SNTB1: variants seen among roughly 807,000 people sequenced by gnomAD.
The protein encoded by SNTB1 is syntrophin beta 1.
In SNTB1, 36 loss-of-function variants were observed where a neutral mutation model predicts 48.9. The observed-to-expected ratio is 0.74, with a 90% CI of 0.56 to 0.97. The LOEUF (loss-of-function observed/expected upper bound fraction) is 0.97, where lower values mean the gene tolerates loss of function less well. Among genes scored for constraint, SNTB1 ranks in the 50% least tolerant of loss-of-function variants. The pLI is 0.00. For missense variants in SNTB1, 786 were observed against 703.4 expected (o/e 1.12, Z -1.33); for synonymous variants, 299 against 294.6 (o/e 1.01, Z -0.15).
intron 1 of SNTB1, among the ~76,000 whole-genome samples, chr8:120,708,410 C>T (rs913390066): frequency 6.6e-6 from 1 of 152,176 alleles, no homozygotes; most frequent in East Asian, 1.9e-4. Context: ...CTTAATCAAA[C>T]TATTCCAGAG....
intron 4 of SNTB1, among the ~76,000 whole-genome samples, chr8:120,561,485 C>T (rs1815659275): frequency 6.6e-6 from 1 of 152,074 alleles, no homozygotes; most frequent in South Asian, 2.1e-4. Context: ...TCATGACAGT[C>T]CAACATCTTG....
At chr8:120,601,917 G>A (rs560485379) in intron 3 of SNTB1, among the ~76,000 whole-genome samples, 2 of 152,308 alleles carry the variant, frequency 1.3e-5, no homozygotes, top group East Asian at 3.9e-4. Flanking sequence ...GGTAATAAAG[G>A]TGAGAGCCAC....
chr8:120,686,962 G>T (rs532547950), intron 2 of SNTB1, among the ~76,000 whole-genome samples: 1 of 152,172 alleles, frequency 6.6e-6, no homozygotes, highest in South Asian at 2.1e-4. Context: ...CATATTTTGT[G>T]GGCTTCTTAA....
intron 3 of SNTB1, among the ~76,000 whole-genome samples, chr8:120,597,963 AAG>A (rs1481073184): frequency 2.0e-5 from 3 of 152,244 alleles, no homozygotes; most frequent in South Asian, 2.1e-4. Context: ...ATGTGAAATT[AAG>A]AGTTTCTTGG....
At chr8:120,599,882 A>G (rs1013899679) in intron 3 of SNTB1, among the ~76,000 whole-genome samples, 3 of 152,220 alleles carry the variant, frequency 2.0e-5, no homozygotes, top group Non-Finnish European at 4.4e-5. Context: ...GGATAGGTAC[A>G]GTTTGTTAAA....
chr8:120,801,159 C>T (rs1820219357), intron 1 of SNTB1, among the ~76,000 whole-genome samples: 2 of 151,840 alleles, frequency 1.3e-5, no homozygotes, highest in Non-Finnish European at 2.9e-5. Flanking sequence ...ATATTACAAG[C>T]AAGCAAGAAA....
At chr8:120,732,061 A>G (rs1818862083) in intron 1 of SNTB1, among the ~76,000 whole-genome samples, 1 of 152,210 alleles carries the variant, frequency 6.6e-6, no homozygotes, top group Admixed American at 6.5e-5. Flanking sequence ...CCATGAGGGT[A>G]TGAAAATTAA....
intron 4 of SNTB1, among the ~76,000 whole-genome samples, chr8:120,572,924 A>G (rs1815882731): frequency 6.6e-6 from 1 of 152,182 alleles, no homozygotes; most frequent in South Asian, 2.1e-4. Context: ...TCAAAAATAA[A>G]TAATTAAAAA....
At chr8:120,598,752 C>G (rs1376039281) in intron 3 of SNTB1, among the ~76,000 whole-genome samples, 2 of 152,184 alleles carry the variant, frequency 1.3e-5, no homozygotes, top group East Asian at 1.9e-4. Flanking sequence ...GGCTGCCCTC[C>G]CTCCTGATCC....
At chr8:120,692,280 C>T (rs1272923500) in intron 2 of SNTB1, among the ~76,000 whole-genome samples, 1 of 152,146 alleles carries the variant, frequency 6.6e-6, no homozygotes, top group East Asian at 1.9e-4. Context: ...AACTTTCTCC[C>T]TGCCCCTATT....
At chr8:120,574,056 C>T (rs558228162) in intron 4 of SNTB1, among the ~76,000 whole-genome samples, 4 of 152,136 alleles carry the variant, frequency 2.6e-5, no homozygotes, top group Non-Finnish European at 5.9e-5. Flanking sequence ...GAAATTCTCC[C>T]ATATTTGACA....
chr8:120,608,532 C>T (rs767847544), intron 3 of SNTB1, among the ~76,000 whole-genome samples: 3 of 152,142 alleles, frequency 2.0e-5, no homozygotes, highest in Non-Finnish European at 2.9e-5. Flanking sequence ...CATCTACAAG[C>T]CAGGGGGAGA....
In SNTB1 at chr8:120,789,335, G is replaced by GA. The variant is rs374687056; in HGVS notation, c.571+21937dup. ...TCTAATGTCATGCCTCAAGGAAGTA[G>GA]AAAAAAAAAGAACACACCAAACCCA... On this transcript the variant is annotated intron_variant, in intron 1 of 6. Transcript: ENST00000517992. 2.5e-3 allele frequency among the ~76,000 whole-genome samples: 361 copies of GA among 145,990 alleles called. 1 individual carries two copies. The highest frequency in any genetic ancestry group is 8.5e-3 in the African/African-American group (340 of 39,778).
intron 3 of SNTB1, among the ~76,000 whole-genome samples, chr8:120,609,630 T>C (rs1336315513): frequency 6.6e-6 from 1 of 152,032 alleles, no homozygotes; most frequent in East Asian, 1.9e-4. Flanking sequence ...AAAAAACAAA[T>C]GGAAAATAGT....
chr8:120,679,248 A>G (rs59425705), intron 2 of SNTB1, among the ~76,000 whole-genome samples: 23,067 of 152,156 alleles, frequency 0.15, 3,271 homozygotes, highest in African/African-American at 0.37. Context: ...ATTTCTATAT[A>G]CCATTCTAAA....
At position 120,566,286 on chromosome 8, in the gene SNTB1, G is replaced by A. The variant is rs545423278; in HGVS notation, c.1136+8800C>T. On this transcript the variant is annotated intron_variant, in intron 4 of 6. Transcript: ENST00000517992. Reference sequence around the variant, plus strand: ...GGAGGATGCAGTGAGCTGAGATTGCGCCATTGCACTCTAGCCTGGGCGACA... The same window carrying A: ...GGAGGATGCAGTGAGCTGAGATTGCACCATTGCACTCTAGCCTGGGCGACA... 9.1e-5 allele frequency among the ~76,000 whole-genome samples: 12 copies of A among 131,788 alleles called. No individual in the cohort carries two copies. In the East Asian group the frequency reaches 2.3e-3, roughly 25 times the overall value. The allele number at this position is 131,788 out of a possible 152,430, so 86.5% of individuals were successfully genotyped here. A position where few individuals can be genotyped will look rare whatever the true frequency, so the allele number is the denominator to read the frequency against.
intron 3 of SNTB1, among the ~76,000 whole-genome samples, chr8:120,610,436 G>A (rs1041754016): frequency 6.6e-6 from 1 of 152,296 alleles, no homozygotes; most frequent in Middle Eastern, 3.4e-3. Context: ...ACCCGGCCCT[G>A]ATTTTGAAAC....
intron 1 of SNTB1, among the ~76,000 whole-genome samples, chr8:120,807,688 C>G (rs1055750591): frequency 6.6e-6 from 1 of 152,164 alleles, no homozygotes; most frequent in Non-Finnish European, 1.5e-5. Flanking sequence ...CCGTCCCTCC[C>G]TTTTGAGTGG....
chr8:120,746,628 T>G (rs58458628), intron 1 of SNTB1, among the ~76,000 whole-genome samples: 4,447 of 152,286 alleles, frequency 0.029, 210 homozygotes, highest in African/African-American at 0.1. Flanking sequence ...AACCAAGTGG[T>G]CATTTTTCTA....
Sources: allele counts gnomAD v4.1 joint callset (sites outside exome capture counted in the v4.1 genomes callset), GRCh38; gene constraint gnomAD v4.1.1; transcripts MANE v1.5; gene names NCBI Gene and HGNC (gene_info 2026-07-23, HGNC 2026-07-21).